The following SKAP1 variants were observed in gnomAD, a reference collection of about 807,000 sequenced individuals.
SKAP1 encodes src kinase associated phosphoprotein 1, also known as src kinase-associated phosphoprotein 1.
Under a neutral mutation model 58.5 loss-of-function variants are expected in SKAP1, and 44 were observed. That is an observed-to-expected ratio of 0.75 (90% confidence interval 0.59 to 0.97). The LOEUF (loss-of-function observed/expected upper bound fraction) is 0.97. Ranked by LOEUF, SKAP1 falls within the 50% of genes least tolerant of loss-of-function variation. The probability of loss-of-function intolerance (pLI) is 0.00; values close to 1 mark genes in which losing one functional copy is unlikely to be tolerated. For missense variants in SKAP1, 390 were observed against 435.2 expected, an observed-to-expected ratio of 0.90 and a Z score of 0.92; for synonymous variants, 127 against 149.7, an observed-to-expected ratio of 0.85 and a Z score of 1.11.
chr17:48,155,811 C>T (rs903146869), intron 11 of SKAP1, among the ~76,000 whole-genome samples: 3 of 152,152 alleles, frequency 2.0e-5, no homozygotes, highest in East Asian at 1.9e-4. Flanking sequence ...GAGCCGAGAC[C>T]GCGCCGCTGC....
rs2064926399 is a variant in SKAP1, at chr17:48,215,403, G to A, written c.281-25903C>T. On this transcript the variant is annotated intron_variant, in intron 4 of 12. Coordinates refer to ENST00000336915, the MANE Select transcript of SKAP1 (RefSeq NM_003726.4). ...ATTTGGCTTTTGTGAAAAATATTCA[G>A]GGAAATAGTAGGGAATTTTAACAAT... Among the ~76,000 whole-genome samples the A allele has an allele frequency of 3.3e-5, 5 of 152,176 alleles. No homozygotes were observed. In the South Asian group the frequency reaches 8.3e-4, roughly 25 times the overall value.
At chr17:48,318,342 C>T (rs142260329) in intron 4 of SKAP1, among the ~76,000 whole-genome samples, 1 of 152,292 alleles carries the variant, frequency 6.6e-6, no homozygotes, top group East Asian at 1.9e-4. Context: ...ATCTTATACC[C>T]AAAGCAGGAG....
At chr17:48,346,342 A>G (rs1041358472) in intron 3 of SKAP1, among the ~76,000 whole-genome samples, 1 of 152,150 alleles carries the variant, frequency 6.6e-6, no homozygotes, top group Non-Finnish European at 1.5e-5. Flanking sequence ...ATTTATATTC[A>G]GCCAGGCATG....
intron 4 of SKAP1, among the ~76,000 whole-genome samples, chr17:48,241,423 T>C (rs1472634172): frequency 6.6e-6 from 1 of 152,160 alleles, no homozygotes; most frequent in African/African-American, 2.4e-5. Flanking sequence ...AATTAGATCT[T>C]TTACAGCAGG....
chr17:48,440,082 T>C, the SKAP1 span, among the ~76,000 whole-genome samples: 1 of 152,170 alleles, frequency 6.6e-6, no homozygotes, highest in Non-Finnish European at 1.5e-5. Flanking sequence ...AGTTCAGCAA[T>C]GCGGCCTGCG....
chr17:48,343,258 A>C (rs1416694856), intron 4 of SKAP1, among the ~76,000 whole-genome samples: 1 of 152,192 alleles, frequency 6.6e-6, no homozygotes, highest in Non-Finnish European at 1.5e-5. Flanking sequence ...AAGTGTTACC[A>C]TTCTCTATAA....
chr17:48,138,895 T>TG (rs2063735532), intron 11 of SKAP1, among the ~76,000 whole-genome samples: 1 of 143,546 alleles, frequency 7.0e-6, no homozygotes, highest in African/African-American at 2.7e-5. Context: ...GAAAAAAAAA[T>TG]TTTTTTTTTT....
intron 4 of SKAP1, among the ~76,000 whole-genome samples, chr17:48,215,602 G>A (rs1329116262): frequency 1.3e-5 from 2 of 152,162 alleles, no homozygotes; most frequent in Non-Finnish European, 2.9e-5. Flanking sequence ...TCTGGACTCA[G>A]GAGAAGACCA....
intron 4 of SKAP1, among the ~76,000 whole-genome samples, chr17:48,343,287 T>C (rs578060573): frequency 6.6e-6 from 1 of 152,292 alleles, no homozygotes; most frequent in Admixed American, 6.5e-5. Flanking sequence ...ACTAATTAAA[T>C]AGGATATAGA....
intron 4 of SKAP1, among the ~76,000 whole-genome samples, chr17:48,331,700 AG>A: frequency 6.6e-6 from 1 of 151,900 alleles, no homozygotes; most frequent in Non-Finnish European, 1.5e-5. Flanking sequence ...CTCCGTCTCA[AG>A]GAAAAAAAAA....
upstream of SKAP1, among the ~76,000 whole-genome samples, chr17:48,433,946 T>C (rs1269336573): frequency 6.6e-6 from 1 of 152,210 alleles, no homozygotes; most frequent in African/African-American, 2.4e-5. Context: ...CAGAATGGCA[T>C]GCAGTGGGAA....
intron 1 of SKAP1, among the ~76,000 whole-genome samples, chr17:48,421,047 C>G (rs1482018375): frequency 6.6e-6 from 1 of 152,142 alleles, no homozygotes; most frequent in African/African-American, 2.4e-5. Context: ...CTGACCTTGA[C>G]AAGGCATGCT....
chr17:48,368,769 A>C (rs528153035), intron 2 of SKAP1, among the ~76,000 whole-genome samples: 6 of 152,378 alleles, frequency 3.9e-5, no homozygotes, highest in Non-Finnish European at 8.8e-5. Context: ...TATGCCTCCA[A>C]AAGTGAAAAT....
chr17:48,266,672 G>A lies in SKAP1; in HGVS notation c.281-77172C>T, dbSNP rs571324418. Among the ~76,000 whole-genome samples, 52 of 151,752 alleles carry A rather than the reference G, an allele frequency of 3.4e-4. No individual in the cohort carries two copies. The East Asian group carries it at 4.5e-3, about 13-fold the overall frequency. On this transcript the variant is annotated intron_variant, in intron 4 of 12. Coordinates refer to ENST00000336915, the MANE Select transcript of SKAP1 (RefSeq NM_003726.4). ...ACTACAGGCGCCTGCCACAACGCCC[G>A]GCTAATTTTTTGTATTTTTAGTAGA...
chr17:48,285,385 G>A (rs1421602346), intron 4 of SKAP1, among the ~76,000 whole-genome samples: 1 of 152,184 alleles, frequency 6.6e-6, no homozygotes, highest in African/African-American at 2.4e-5. Flanking sequence ...GGGAGGCCAA[G>A]GCGGGTGGAT....
At position 48,140,583 on chromosome 17, in the gene SKAP1, C is replaced by G. The variant is rs111521749; in HGVS notation, c.979-3246G>C. Among the ~76,000 whole-genome samples the G allele has an allele frequency of 1.2e-3, 185 of 152,282 alleles. 1 individual carries two copies. Among genetic ancestry groups the G allele is most frequent in the African/African-American group, 4.5e-3 (185 of 41,554 alleles). On this transcript the variant is annotated intron_variant, in intron 11 of 12. Transcript: ENST00000336915. ...CAATAGCCAAGTGCATTCCACCAAG[C>G]TGTTCAAACTCAGTATGTCCTAAAT...
intron 4 of SKAP1, among the ~76,000 whole-genome samples, chr17:48,298,613 T>C (rs1483988912): frequency 6.6e-6 from 1 of 152,254 alleles, no homozygotes; most frequent in East Asian, 1.9e-4. Flanking sequence ...GATGACTACG[T>C]AATTCGCTTC....
chr17:48,334,220 CA>C (rs780826356), intron 4 of SKAP1, among the ~76,000 whole-genome samples: 1 of 151,592 alleles, frequency 6.6e-6, no homozygotes, highest in Admixed American at 6.6e-5. Context: ...CTTTAATATT[CA>C]AAAAAATTAG....
intron 4 of SKAP1, among the ~76,000 whole-genome samples, chr17:48,246,607 CT>C (rs1240266035): frequency 6.6e-6 from 1 of 152,172 alleles, no homozygotes; most frequent in Non-Finnish European, 1.5e-5. Context: ...CTAATTTCTC[CT>C]TTTACTAAGG....
Sources: gnomAD v4.1 joint callset for allele counts (sites outside exome capture counted in the v4.1 genomes callset) on GRCh38, gnomAD v4.1.1 for gene constraint, MANE v1.5 for transcripts, NCBI Gene and HGNC (gene_info 2026-07-23, HGNC 2026-07-21) for gene names.